Variants in OLFM3 observed in about 807,000 individuals in gnomAD.
OLFM3 encodes olfactomedin 3.
OLFM3 carries 20 observed loss-of-function variants against 48.6 expected under a neutral mutation model. That is an observed-to-expected ratio of 0.41 (90% CI 0.29 to 0.60). The LOEUF (loss-of-function observed/expected upper bound fraction) is 0.60. OLFM3 is among the 20% of genes least tolerant of loss of function. OLFM3 has a pLI of 0.28. For missense variants in OLFM3, 437 were observed against 544.3 expected (o/e 0.80, Z 1.96); for synonymous variants, 222 against 198.1 (o/e 1.12, Z -1.01).
chr1:101,934,297 AC>A (rs1029516763), intron 1 of OLFM3, among the ~76,000 whole-genome samples: 2 of 152,198 alleles, frequency 1.3e-5, no homozygotes, highest in African/African-American at 4.8e-5. Flanking sequence ...AAAAAATTAA[AC>A]AAAACAAAGA....
rs1316328092 is a variant in OLFM3 at position 101,953,270 on chromosome 1, T to C, written c.69+43478A>G. On this transcript the variant is annotated intron_variant, in intron 1 of 5. Coordinates refer to ENST00000370103, the MANE Select transcript of OLFM3 (RefSeq NM_058170.4). ...GGACAGCAGTACTCTAGGACCGAGA[T>C]GGCAAACTTTGGCTTGTGGGCATTC... Among the ~76,000 whole-genome samples the C allele has an allele frequency of 5.3e-5, 8 of 152,116 alleles. No homozygotes were observed. In the East Asian group the frequency reaches 1.3e-3, roughly 26 times the overall value.
At chr1:101,893,330 G>A (rs144794765) in intron 1 of OLFM3, 130 of 380,430 alleles carry the variant, frequency 3.4e-4, no homozygotes, top group African/African-American at 2.2e-3. Context: ...GATAGAACCC[G>A]GAATAGCTCA....
chr1:101,960,417 C>G (rs535999167), intron 1 of OLFM3, among the ~76,000 whole-genome samples: 7 of 152,280 alleles, frequency 4.6e-5, no homozygotes, highest in South Asian at 4.1e-4. Flanking sequence ...TAATCTAGGT[C>G]AAGGGCTCAT....
chr1:101,935,743 C>A lies in OLFM3; in HGVS notation c.69+61005G>T, dbSNP rs571871349. Among the ~76,000 whole-genome samples, 10 of 152,170 alleles carry A rather than the reference C, an allele frequency of 6.6e-5. No homozygotes were observed. The South Asian group carries it at 2.1e-3, about 32-fold the overall frequency. The stretch of plus-strand genomic sequence containing the variant: ...ATTTCTCAACAAAAATACCAGCAAA[C>A]TGAATCAAACAGCACATCTAAAAGC... On this transcript the variant is annotated intron_variant, in intron 1 of 5. Transcript: ENST00000370103.
intron 4 of OLFM3, among the ~76,000 whole-genome samples, chr1:101,812,225 A>C (rs1475737589): frequency 6.6e-6 from 1 of 152,124 alleles, no homozygotes; most frequent in Non-Finnish European, 1.5e-5. Context: ...TAGGAGATAT[A>C]CCTAATGTAA....
intron 1 of OLFM3, among the ~76,000 whole-genome samples, chr1:101,905,417 C>T (rs1407771063): frequency 2.6e-5 from 4 of 152,122 alleles, no homozygotes; most frequent in East Asian, 3.8e-4. Context: ...TAATTTAATA[C>T]TCTGTATCCA....
intron 1 of OLFM3, among the ~76,000 whole-genome samples, chr1:101,859,063 T>C (rs1656542334): frequency 6.6e-6 from 1 of 151,948 alleles, no homozygotes; most frequent in Non-Finnish European, 1.5e-5. Context: ...GTGTGAAAGA[T>C]CCCATGTTAT....
chr1:101,894,502 T>C (rs1658123788), intron 1 of OLFM3, among the ~76,000 whole-genome samples: 1 of 152,152 alleles, frequency 6.6e-6, no homozygotes, highest in South Asian at 2.1e-4. Context: ...ATTTAAACCC[T>C]AAGAATAATT....
At chr1:101,972,520 A>C (rs1046671149) in intron 1 of OLFM3, among the ~76,000 whole-genome samples, 5 of 152,152 alleles carry the variant, frequency 3.3e-5, no homozygotes, top group Admixed American at 1.3e-4. Context: ...GGTTTGGAAA[A>C]CATTTTAAAA....
chr1:101,994,090 T>G (rs1291764306), intron 1 of OLFM3, among the ~76,000 whole-genome samples: 1 of 151,778 alleles, frequency 6.6e-6, no homozygotes, highest in African/African-American at 2.4e-5. Flanking sequence ...TTCTAAGATG[T>G]AGATTTCCAG....
At chr1:101,883,271 A>C (rs1319360692) in intron 1 of OLFM3, among the ~76,000 whole-genome samples, 1 of 150,336 alleles carries the variant, frequency 6.7e-6, no homozygotes, top group Non-Finnish European at 1.5e-5. Flanking sequence ...TTGTCTGCTT[A>C]TATTTACAGT....
intron 2 of OLFM3, among the ~76,000 whole-genome samples, chr1:101,833,167 G>A (rs1473475329): frequency 6.6e-6 from 1 of 152,172 alleles, no homozygotes; most frequent in African/African-American, 2.4e-5. Flanking sequence ...CTTTATTTCT[G>A]CCTTTGACTC....
At chr1:101,987,415 T>C (rs1169617293) in intron 1 of OLFM3, among the ~76,000 whole-genome samples, 2 of 152,172 alleles carry the variant, frequency 1.3e-5, no homozygotes, top group African/African-American at 4.8e-5. Context: ...ATAATAAGTA[T>C]AATAAGAGGT....
chr1:101,816,868 T>C (rs940118365), intron 4 of OLFM3, among the ~76,000 whole-genome samples: 6 of 152,162 alleles, frequency 3.9e-5, no homozygotes, highest in Admixed American at 3.9e-4. Flanking sequence ...CTGACAGAGC[T>C]CTCGATGTTG....
intron 1 of OLFM3, among the ~76,000 whole-genome samples, chr1:101,960,330 C>G (rs1400251883): frequency 1.3e-5 from 2 of 152,168 alleles, no homozygotes; most frequent in African/African-American, 4.8e-5. Context: ...TGTGACTGCT[C>G]TTTAGATGCA....
chr1:101,832,205 A>G (rs915069122), intron 2 of OLFM3, among the ~76,000 whole-genome samples: 1 of 152,052 alleles, frequency 6.6e-6, no homozygotes, highest in African/African-American at 2.4e-5. Context: ...TTTATTCTAA[A>G]TCAAATACAA....
At chr1:101,956,105 A>ATTT (rs1660291135) in intron 1 of OLFM3, among the ~76,000 whole-genome samples, 13 of 80,598 alleles carry the variant, frequency 1.6e-4, no homozygotes, top group Non-Finnish European at 9.3e-5. Context: ...TTTTTTTTTA[A>ATTT]AAAAAACCTT....
intron 1 of OLFM3, among the ~76,000 whole-genome samples, chr1:101,898,382 G>A (rs1275844814): frequency 2.6e-5 from 4 of 152,108 alleles, no homozygotes; most frequent in African/African-American, 7.2e-5. Flanking sequence ...GATTCCAAAC[G>A]CATACAGCTT....
At chr1:101,933,469 C>T (rs1659518501) in intron 1 of OLFM3, among the ~76,000 whole-genome samples, 2 of 151,838 alleles carry the variant, frequency 1.3e-5, no homozygotes, top group East Asian at 1.9e-4. Flanking sequence ...AACTATGTAA[C>T]GAGACCAAAT....
Sources: allele counts gnomAD v4.1 joint callset (sites outside exome capture counted in the v4.1 genomes callset), GRCh38; gene constraint gnomAD v4.1.1; transcripts MANE v1.5; gene names NCBI Gene and HGNC (gene_info 2026-07-23, HGNC 2026-07-21).